The following ITGA5 variants were observed in gnomAD, a reference collection of about 807,000 sequenced individuals.
ITGA5 encodes integrin subunit alpha 5.
ITGA5 carries 55 observed loss-of-function variants against 146.3 expected under a neutral mutation model. That is an observed-to-expected ratio of 0.38 (90% CI 0.30 to 0.47). ITGA5 has a LOEUF of 0.47. Among genes scored for constraint, ITGA5 ranks in the 20% least tolerant of loss-of-function variants. The probability of loss-of-function intolerance (pLI) is 0.99; values close to 1 mark genes in which losing one functional copy is unlikely to be tolerated. For missense variants in ITGA5, 1,131 were observed against 1,329.0 expected (o/e 0.85, Z 2.32); for synonymous variants, 500 against 531.8 (o/e 0.94, Z 0.82).
chr12:54,404,813 C>T lies in ITGA5; in HGVS notation c.1307G>A (p.Gly436Asp), dbSNP rs760636583. 5 of 1,613,414 alleles carry T rather than the reference C, an allele frequency of 3.1e-6. No individual in the cohort carries two copies. The South Asian group carries it at 5.5e-5, about 18-fold the overall frequency. ...FVFPGGPGGL[G>D]SKPSQVLQPL... Reference sequence around the variant, plus strand: ...CTGCAGAACCTGGGAAGGCTTAGAGCCCAGCCCTCCTGGGCCCCCAGGAAA... The same window carrying T: ...CTGCAGAACCTGGGAAGGCTTAGAGTCCAGCCCTCCTGGGCCCCCAGGAAA... The change falls in exon 13 of 30, where the codon GGC becomes GAC. Residue 436 changes from glycine (G) to aspartate (D), a missense_variant. Physicochemically the swap from Gly to Asp is moderately conservative, Grantham distance 94 (BLOSUM62 -1). Transcript: ENST00000293379.
chr12:54,409,589 G>C lies in ITGA5; in HGVS notation c.358C>G (p.Leu120Val). 1 of 1,611,308 alleles carries C rather than the reference G, an allele frequency of 6.2e-7. No individual in the cohort carries two copies. The highest frequency in any genetic ancestry group is 8.5e-7 in the Non-Finnish European group (1 of 1,178,628). ...GAGCTGGACAGTGAGGACTCCAGGA[G>C]CCGAGAGCCTTGTGGAAGTGAGAAG... ...PIEFDSKGSR[L>V]LESSLSSSEG... Residue 120 changes from leucine (L) to valine (V), a missense_variant, in exon 3 of 30, where the codon CTC (leucine) becomes GTC (valine). Around this residue, in one of 3 missense-constraint regions of ITGA5, gnomAD observed 175 missense variants for 179.3 expected, o/e 0.98. Transcript: ENST00000293379. This position sits in a 1 kb window ranked among gnomAD's most constrained non-coding sequence, Gnocchi z 4.7.
At chr12:54,404,960 A>T in intron 12 of ITGA5, 66 bp from the exon 13 acceptor site, 1 of 1,352,290 alleles carries the variant, frequency 7.4e-7, no homozygotes, top group South Asian at 1.5e-5. Context: ...CTCTACTACC[A>T]GACCCCAGGA....
At chr12:54,415,456 G>C (rs552667624) in intron 1 of ITGA5, among the ~76,000 whole-genome samples, 1 of 152,156 alleles carries the variant, frequency 6.6e-6, no homozygotes, top group Non-Finnish European at 1.5e-5. Flanking sequence ...TGCTCACCTC[G>C]TCCCATGTTC....
rs1339524241 is a variant in ITGA5 at position 54,405,903 on chromosome 12, G to A, written c.930C>T (p.Asp310=). The part of the protein sequence containing the change: ...YGYVTILNGS[D]IRSLYNFSGE... Reference sequence around the variant, plus strand: ...CTGAGAAGTTGTAGAGGGATCGAATGTCTGAGCCATTAAGGATGGTGACCT... The same window carrying A: ...CTGAGAAGTTGTAGAGGGATCGAATATCTGAGCCATTAAGGATGGTGACCT... Residue 310 remains aspartate, a synonymous_variant, in exon 10 of 30, where the codon GAC becomes GAT. Coordinates refer to ENST00000293379, the MANE Select transcript of ITGA5 (RefSeq NM_002205.5). 1 of 1,614,026 alleles carries A rather than the reference G, an allele frequency of 6.2e-7. No homozygotes were observed. Among genetic ancestry groups the A allele is most frequent in the Non-Finnish European group, 8.5e-7 (1 of 1,179,926 alleles).
intron 6 of ITGA5, among the ~76,000 whole-genome samples, chr12:54,408,453 C>T (rs528298224): frequency 6.6e-5 from 10 of 152,100 alleles, no homozygotes; most frequent in Admixed American, 2.6e-4. Context: ...ACAGGCAGGG[C>T]GCGGCGGCTC....
At chr12:54,404,282 A>T in intron 14 of ITGA5, 36 bp from the exon 15 acceptor site, 3 of 1,588,658 alleles carry the variant, frequency 1.9e-6, no homozygotes, top group Non-Finnish European at 2.6e-6. Flanking sequence ...TAGAATTAGG[A>T]CTCCTCTGTA....
chr12:54,396,160 T>A lies in ITGA5; in HGVS notation c.*133A>T. 1.5e-6 allele frequency: 1 copy of A among 680,338 alleles called. No homozygotes were observed. Among genetic ancestry groups the A allele is most frequent in the South Asian group, 1.8e-5 (1 of 54,806 alleles). 42.1% of individuals were successfully genotyped at this position (680,338 alleles called of 1,614,324 possible). ...CCCCCTGGCTCTGGCCCTTCAAGTA[T>A]GTCTCTGGGCTGGGGAGAGGAGCTT... On this transcript the variant is annotated 3_prime_UTR_variant, in exon 30 of 30. Transcript: ENST00000293379.
rs574958842 is a variant in ITGA5, at chr12:54,409,094, G to A, written c.583+138C>T. ...CCAGACAGTAAGCATAAAGGCTAACGAACTGGGTTAGCCTTTATCTTAAGC... is the reference window on the plus strand; with the variant it reads ...CCAGACAGTAAGCATAAAGGCTAACAAACTGGGTTAGCCTTTATCTTAAGC... On this transcript the variant is annotated intron_variant, in intron 4 of 29. Coordinates refer to ENST00000293379, the MANE Select transcript of ITGA5 (RefSeq NM_002205.5). The surrounding 1 kb of genome is among the most constrained non-coding windows in gnomAD (Gnocchi z 4.7). 1.3e-5 allele frequency: 18 copies of A among 1,409,088 alleles called. No individual in the cohort carries two copies. The African/African-American group carries it at 2.0e-4, about 16-fold the overall frequency. 87.3% of individuals were successfully genotyped at this position (1,409,088 alleles called of 1,614,324 possible). A position where few individuals can be genotyped will look rare whatever the true frequency, so the allele number is the denominator to read the frequency against.
chr12:54,411,727 T>C (rs1476818961), intron 2 of ITGA5, 107 bp downstream of exon 2: 5 of 952,368 alleles, frequency 5.3e-6, no homozygotes, highest in Non-Finnish European at 7.2e-6. Context: ...AGAGGTCACG[T>C]GGCCGGGGTT....
chr12:54,405,381 G>T lies in ITGA5; in HGVS notation c.1017-7C>A. On this transcript the variant is annotated splice_polypyrimidine_tract_variant and splice_region_variant and intron_variant, in intron 11 of 29. Transcript: ENST00000293379. ...CACCAGCAAGTCATCCAGCCTGAGG[G>T]GAAGGGCAAACCCAGGCATCTCGAT... The T allele has an allele frequency of 6.3e-7, 1 of 1,594,442 alleles. No individual in the cohort carries two copies. Among genetic ancestry groups the T allele is most frequent in the South Asian group, 1.1e-5 (1 of 89,962 alleles).
rs1467610339 is a variant in ITGA5 at position 54,416,479 on chromosome 12, A to G, written c.218+2502T>C. On this transcript the variant is annotated intron_variant, in intron 1 of 29. Coordinates refer to ENST00000293379, the MANE Select transcript of ITGA5 (RefSeq NM_002205.5). This position sits in a 1 kb window ranked among gnomAD's most constrained non-coding sequence, Gnocchi z 4.1. ...AAATCGATATGAAAGTGCTAAAGGAATATGACAGACTATTGTTACTATCAC... is the reference window on the plus strand; with the variant it reads ...AAATCGATATGAAAGTGCTAAAGGAGTATGACAGACTATTGTTACTATCAC... Among the ~76,000 whole-genome samples the G allele has an allele frequency of 6.6e-6, 1 of 152,284 alleles. No homozygotes were observed. The highest frequency in any genetic ancestry group is 1.5e-5 in the Non-Finnish European group (1 of 68,050).
intron 2 of ITGA5, among the ~76,000 whole-genome samples, chr12:54,410,114 C>T (rs1425624660): frequency 8.5e-5 from 13 of 152,088 alleles, no homozygotes; most frequent in African/African-American, 3.1e-4. Context: ...CTCAGCCTCC[C>T]AAAGTGCTGG....
rs1411192447 is a variant in ITGA5 at position 54,416,891 on chromosome 12, G to A, written c.218+2090C>T. 6.6e-6 allele frequency among the ~76,000 whole-genome samples: 1 copy of A among 152,192 alleles called. No individual in the cohort carries two copies. Among genetic ancestry groups the A allele is most frequent in the African/African-American group, 2.4e-5 (1 of 41,442 alleles). On this transcript the variant is annotated intron_variant, in intron 1 of 29. Coordinates refer to ENST00000293379, the MANE Select transcript of ITGA5 (RefSeq NM_002205.5). This position sits in a 1 kb window ranked among gnomAD's most constrained non-coding sequence, Gnocchi z 4.1. ...ACTATTTTGGTGTTCACCACAAGAG[G>A]TGATGCAGGAAGAACAAGAACACTG...
At position 54,409,022 on chromosome 12, in the gene ITGA5, A is replaced by G; in HGVS notation, c.584-68T>C. On this transcript the variant is annotated intron_variant, in intron 4 of 29. Transcript: ENST00000293379. This position sits in a 1 kb window ranked among gnomAD's most constrained non-coding sequence, Gnocchi z 4.7. The stretch of plus-strand genomic sequence containing the variant: ...GGTCATCCAGGAAAGAAGAGAGGGC[A>G]TAGGGAAGGAGGTGGGAGAGAGAAC... 1 of 1,515,070 alleles carries G rather than the reference A, an allele frequency of 6.6e-7. No homozygotes were observed. The highest frequency in any genetic ancestry group is 9.1e-7 in the Non-Finnish European group (1 of 1,093,660). The allele number at this position is 1,515,070 out of a possible 1,614,324, so 93.9% of individuals were successfully genotyped here.
At position 54,409,409 on chromosome 12, in the gene ITGA5, C is replaced by A; in HGVS notation, c.463-57G>T. On this transcript the variant is annotated intron_variant, in intron 3 of 29. Coordinates refer to ENST00000293379, the MANE Select transcript of ITGA5 (RefSeq NM_002205.5). The surrounding 1 kb of genome is among the most constrained non-coding windows in gnomAD (Gnocchi z 4.7). ...TTCAGTCCAATAAGGCCCTTCCTCC[C>A]TCCCTCCAGGCCCGGCCTTACCCAA... is the stretch of plus-strand genomic sequence containing the variant. 1 of 1,608,334 alleles carries A rather than the reference C, an allele frequency of 6.2e-7. No homozygotes were observed. Among genetic ancestry groups the A allele is most frequent in the Non-Finnish European group, 8.5e-7 (1 of 1,177,220 alleles).
intron 9 of ITGA5, chr12:54,407,335 G>A (rs1955880083): frequency 2.5e-6 from 1 of 405,266 alleles, no homozygotes; most frequent in Non-Finnish European, 4.6e-6. Context: ...TCTGCCAGTT[G>A]TACATTGCCT....
At position 54,401,093 on chromosome 12, in the gene ITGA5, G is replaced by A. The variant is rs1007175490; in HGVS notation, c.2494-98C>T. On this transcript the variant is annotated intron_variant, in intron 24 of 29. Transcript: ENST00000293379. This position sits in a 1 kb window ranked among gnomAD's most constrained non-coding sequence, Gnocchi z 5.0. ...ATGGCTCCACTATACCCTGCTGTCAGGCTCCTATCTCAGAGATGAAGCAGG... is the reference window on the plus strand; with the variant it reads ...ATGGCTCCACTATACCCTGCTGTCAAGCTCCTATCTCAGAGATGAAGCAGG... 70 of 1,250,352 alleles carry A rather than the reference G, an allele frequency of 5.6e-5. No homozygotes were observed. The highest frequency in any genetic ancestry group is 5.5e-5 in the Non-Finnish European group (49 of 896,270). The allele number at this position is 1,250,352 out of a possible 1,614,324, so 77.5% of individuals were successfully genotyped here.
In ITGA5 at chr12:54,402,225, G is replaced by A. The variant is rs138823980; in HGVS notation, c.2088C>T (p.Thr696=). The A allele has an allele frequency of 2.2e-5, 36 of 1,614,058 alleles. No homozygotes were observed. Among genetic ancestry groups the A allele is most frequent in the Admixed American group, 3.3e-5 (2 of 60,014 alleles). ...CTGAGTACTCAGCCTCTGGAGGGGC[G>A]GTGACCCGAAGCTCAGCCTCATAGG... ...GGAYEAELRV[T]APPEAEYSGL... is the part of the protein sequence containing the mutation. Residue 696 remains threonine, a synonymous_variant, in exon 20 of 30, where the codon ACC becomes ACT. Transcript: ENST00000293379.
rs753421717 is a variant in ITGA5 at position 54,405,275 on chromosome 12, T to G, written c.1116A>C (p.Pro372=). The G allele has an allele frequency of 3.1e-6, 5 of 1,613,916 alleles. No individual in the cohort carries two copies. The highest frequency in any genetic ancestry group is 3.4e-6 in the Non-Finnish European group (4 of 1,179,936). The change falls in exon 12 of 30, where the codon CCA becomes CCC. Residue 372 remains proline (P), a synonymous_variant. Coordinates refer to ENST00000293379, the MANE Select transcript of ITGA5 (RefSeq NM_002205.5). The part of the protein sequence containing the change: ...VGRVYVYLQH[P]AGIEPTPTLT... ...GGGTGGGCGTGGGCTCTATGCCGGC[T>G]GGGTGCTGCAGGTAGACGTAGACCC...
Sources: gnomAD v4.1 joint callset for allele counts (sites outside exome capture counted in the v4.1 genomes callset) on GRCh38, gnomAD v4.1.1 for gene constraint, gnomAD v4.1.1 regional missense constraint, Gnocchi (gnomAD v3.1) non-coding constraint, MANE v1.5 for transcripts, NCBI Gene and HGNC (gene_info 2026-07-23, HGNC 2026-07-21) for gene names.